Variants in FANCC observed in about 807,000 individuals in gnomAD.
FANCC encodes the protein FA complementation group C, also known as Fanconi anemia group C protein.
A neutral mutation model predicts 71.3 loss-of-function variants in FANCC; 55 were observed. That is an observed-to-expected ratio of 0.77 (90% CI 0.62 to 0.97). FANCC has a LOEUF of 0.97. Among genes scored for constraint, FANCC ranks in the 50% least tolerant of loss-of-function variants. The pLI is 0.00. For synonymous variants in FANCC, 275 were observed against 244.9 expected (o/e 1.12, Z -1.15); for missense variants, 678 against 670.9 (o/e 1.01, Z -0.12).
intron 4 of FANCC, among the ~76,000 whole-genome samples, chr9:95,221,636 C>T (rs1829277554): frequency 6.6e-6 from 1 of 151,998 alleles, no homozygotes; most frequent in Non-Finnish European, 1.5e-5. Flanking sequence ...ATATCTTTGA[C>T]AAAGGAACAG....
At chr9:95,185,334 T>C (rs1356620607) in intron 4 of FANCC, among the ~76,000 whole-genome samples, 1 of 152,222 alleles carries the variant, frequency 6.6e-6, no homozygotes, top group Non-Finnish European at 1.5e-5. Context: ...AAATCAGGCA[T>C]GTTTAAGTTA....
At chr9:95,207,066 G>GT (rs1276615388) in intron 4 of FANCC, among the ~76,000 whole-genome samples, 1 of 151,772 alleles carries the variant, frequency 6.6e-6, no homozygotes, top group African/African-American at 2.4e-5. Context: ...TATCAAGTTT[G>GT]TTTTTTTTAA....
At chr9:95,141,013 A>G (rs1828570010) in intron 7 of FANCC, among the ~76,000 whole-genome samples, 1 of 152,056 alleles carries the variant, frequency 6.6e-6, no homozygotes, top group Non-Finnish European at 1.5e-5. Context: ...TATTAAGGTT[A>G]AAAAAACAGG....
intron 4 of FANCC, among the ~76,000 whole-genome samples, chr9:95,208,357 A>T (rs1828277726): frequency 6.6e-6 from 1 of 151,956 alleles, no homozygotes; most frequent in Non-Finnish European, 1.5e-5. Flanking sequence ...TCGGTCTCCC[A>T]AAGTGCTGGG....
chr9:95,197,503 C>T (rs1346664222), intron 4 of FANCC, among the ~76,000 whole-genome samples: 1 of 152,178 alleles, frequency 6.6e-6, no homozygotes, highest in Non-Finnish European at 1.5e-5. Flanking sequence ...TGTGCCACTG[C>T]ACTCCAGCCT....
intron 4 of FANCC, among the ~76,000 whole-genome samples, chr9:95,226,499 C>G (rs1829627473): frequency 6.6e-6 from 1 of 152,210 alleles, no homozygotes; most frequent in African/African-American, 2.4e-5. Context: ...GTGAGGGTAG[C>G]TGCCCAGGAA....
intron 4 of FANCC, among the ~76,000 whole-genome samples, chr9:95,233,065 T>G (rs1023172004): frequency 6.6e-6 from 1 of 151,900 alleles, no homozygotes; most frequent in Non-Finnish European, 1.5e-5. Flanking sequence ...ATAAGATACC[T>G]CTCACCCAGA....
chr9:95,278,625 G>A (rs549669330), intron 1 of FANCC, among the ~76,000 whole-genome samples: 11 of 152,158 alleles, frequency 7.2e-5, no homozygotes, highest in Non-Finnish European at 1.5e-4. Flanking sequence ...TACAGTGCAC[G>A]GTGTCACTAA....
chr9:95,313,865 G>A (rs1035168947), intron 1 of FANCC, among the ~76,000 whole-genome samples: 1 of 152,124 alleles, frequency 6.6e-6, no homozygotes, highest in African/African-American at 2.4e-5. Context: ...AATAGATGCA[G>A]AAAAGCAACA....
chr9:95,118,999 T>C (rs867800668), intron 10 of FANCC, among the ~76,000 whole-genome samples: 10 of 152,340 alleles, frequency 6.6e-5, no homozygotes, highest in South Asian at 6.2e-4. Context: ...GGTTTTCCGG[T>C]GTTGTACCAT....
chr9:95,284,375 G>A (rs540747732), intron 1 of FANCC, among the ~76,000 whole-genome samples: 9 of 152,236 alleles, frequency 5.9e-5, no homozygotes, highest in African/African-American at 1.4e-4. Flanking sequence ...CAGTTTGGTC[G>A]GCTGTCAAGT....
intron 1 of FANCC, among the ~76,000 whole-genome samples, chr9:95,286,344 A>C (rs573192536): frequency 5.2e-4 from 79 of 152,318 alleles, no homozygotes; most frequent in African/African-American, 1.9e-3. Flanking sequence ...CAGTGACTGT[A>C]TCCTAGGCCA....
At position 95,268,247 on chromosome 9, in the gene FANCC, A is replaced by T. The variant is rs996411536; in HGVS notation, c.-78-18878T>A. ...GATAACTCACTCTGGATTTAAATTT[A>T]TCTTCTTTGCCCACCACACTTCTCC... is the stretch of plus-strand genomic sequence containing the variant. On this transcript the variant is annotated intron_variant, in intron 1 of 14. Coordinates refer to ENST00000289081, the MANE Select transcript of FANCC (RefSeq NM_000136.3). 2.6e-5 allele frequency among the ~76,000 whole-genome samples: 4 copies of T among 152,250 alleles called. No homozygotes were observed. In the East Asian group the frequency reaches 7.7e-4, roughly 29 times the overall value.
chr9:95,145,790 A>G (rs1829454479), intron 7 of FANCC, among the ~76,000 whole-genome samples: 2 of 152,218 alleles, frequency 1.3e-5, no homozygotes, highest in Non-Finnish European at 2.9e-5. Flanking sequence ...ACTGTGCTCC[A>G]GAGGCACGCA....
In FANCC at chr9:95,254,430, G is replaced by A. The variant is rs575361828; in HGVS notation, c.-78-5061C>T. Among the ~76,000 whole-genome samples, 10 of 152,298 alleles carry A rather than the reference G, an allele frequency of 6.6e-5. No homozygotes were observed. In the South Asian group the frequency reaches 1.9e-3, roughly 28 times the overall value. On this transcript the variant is annotated intron_variant, in intron 1 of 14. Coordinates refer to ENST00000289081, the MANE Select transcript of FANCC (RefSeq NM_000136.3). ...ACAGTGGGAGCAGCCCACGGAGGGT[G>A]AGCAGAAGCCAGGTGGGGTGTCACC...
At chr9:95,124,831 A>C (rs1333101650) in intron 10 of FANCC, among the ~76,000 whole-genome samples, 1 of 152,216 alleles carries the variant, frequency 6.6e-6, no homozygotes, top group Non-Finnish European at 1.5e-5. Flanking sequence ...CTCCAGGGCC[A>C]TGCATGCTGG....
intron 6 of FANCC, among the ~76,000 whole-genome samples, chr9:95,152,037 T>A (rs954129471): frequency 6.6e-6 from 1 of 152,232 alleles, no homozygotes; most frequent in Non-Finnish European, 1.5e-5. Context: ...TTTGTTTCTA[T>A]TTCTTGCAAA....
intron 1 of FANCC, chr9:95,292,704 T>G: frequency 7.5e-7 from 1 of 1,331,828 alleles, no homozygotes; most frequent in South Asian, 1.2e-5. Flanking sequence ...AAGAAAAGAT[T>G]TGAAAACTGT....
In FANCC at chr9:95,288,751, T is replaced by A. The variant is rs564545002; in HGVS notation, c.-79+28775A>T. ...AGGGCATTTCACTTTTTTTTTTTTT[T>A]AATTTCCAATGACTCTTCTCTTTGT... On this transcript the variant is annotated intron_variant, in intron 1 of 14. Coordinates refer to ENST00000289081, the MANE Select transcript of FANCC (RefSeq NM_000136.3). Among the ~76,000 whole-genome samples the A allele has an allele frequency of 3.4e-3, 519 of 151,636 alleles. 3 individuals are homozygous for A. The highest frequency in any genetic ancestry group is 4.7e-3 in the Non-Finnish European group (322 of 67,972).
Sources: gnomAD v4.1 joint callset for allele counts (sites outside exome capture counted in the v4.1 genomes callset) on GRCh38, gnomAD v4.1.1 for gene constraint, MANE v1.5 for transcripts, NCBI Gene and HGNC (gene_info 2026-07-23, HGNC 2026-07-21) for gene names.